Variants in CNTN5 observed in about 807,000 individuals in gnomAD.
The protein encoded by CNTN5 is contactin-5.
Under a neutral mutation model 129.1 loss-of-function variants are expected in CNTN5, and 77 were observed. The ratio of observed to expected loss-of-function variants is 0.60; its 90% CI spans 0.50 to 0.72. The LOEUF (loss-of-function observed/expected upper bound fraction) is 0.72, where lower values mean the gene tolerates loss of function less well. Ranked by LOEUF, CNTN5 falls within the 30% of genes least tolerant of loss-of-function variation. The pLI, the probability that CNTN5 is intolerant of heterozygous loss-of-function variation, is 0.00. For synonymous variants in CNTN5, 509 were observed against 465.6 expected (o/e 1.09, Z -1.20); for missense variants, 1,478 against 1,328.8 (o/e 1.11, Z -1.75).
chr11:99,674,220 A>AT (rs1007607259), intron 3 of CNTN5, among the ~76,000 whole-genome samples: 2 of 151,198 alleles, frequency 1.3e-5, no homozygotes, highest in Non-Finnish European at 2.9e-5. Flanking sequence ...GATATTGAGC[A>AT]TTTTTTTCCT....
chr11:99,614,767 C>A (rs1281625168), intron 3 of CNTN5, among the ~76,000 whole-genome samples: 3 of 151,988 alleles, frequency 2.0e-5, no homozygotes, highest in Non-Finnish European at 4.4e-5. Flanking sequence ...TTTTCCTAGT[C>A]CATTGCCTTA....
rs184802827 is a variant in CNTN5, at chr11:99,072,619, T to C, written c.-210+51349T>C. The stretch of plus-strand genomic sequence containing the variant: ...TTTGAGTTCTTCCTCACCTAGAGGT[T>C]AGTTCTTCCAGGATGAATAATACAA... On this transcript the variant is annotated intron_variant, in intron 1 of 24. Coordinates refer to ENST00000524871, the MANE Select transcript of CNTN5 (RefSeq NM_014361.4). Among the ~76,000 whole-genome samples, 294 of 152,254 alleles carry C rather than the reference T, an allele frequency of 1.9e-3. 2 individuals carry two copies. Among genetic ancestry groups the C allele is most frequent in the African/African-American group, 6.8e-3 (281 of 41,582 alleles).
intron 17 of CNTN5, among the ~76,000 whole-genome samples, chr11:100,259,013 G>A (rs1950139964): frequency 6.6e-6 from 1 of 152,110 alleles, no homozygotes; most frequent in Non-Finnish European, 1.5e-5. Context: ...ATTGGATAAA[G>A]AGTCAAGACC....
In CNTN5 at chr11:99,092,567, A is replaced by T. The variant is rs1003849349; in HGVS notation, c.-210+71297A>T. Among the ~76,000 whole-genome samples, 2 of 152,144 alleles carry T rather than the reference A, an allele frequency of 1.3e-5. 1 individual carries two copies. Among genetic ancestry groups the T allele is most frequent in the South Asian group, 4.1e-4 (2 of 4,828 alleles). On this transcript the variant is annotated intron_variant, in intron 1 of 24. Coordinates refer to ENST00000524871, the MANE Select transcript of CNTN5 (RefSeq NM_014361.4). ...GTAAAAGAAAGCTCAATGAATAAAAATGTACAATATTTGAAAAATTGGAAT... is the reference window on the plus strand; with the variant it reads ...GTAAAAGAAAGCTCAATGAATAAAATTGTACAATATTTGAAAAATTGGAAT...
At chr11:99,361,875 T>C (rs1939134852) in intron 2 of CNTN5, among the ~76,000 whole-genome samples, 1 of 152,146 alleles carries the variant, frequency 6.6e-6, no homozygotes, top group African/African-American at 2.4e-5. Flanking sequence ...ACATTTTGTT[T>C]TTTCATTCAT....
At chr11:99,867,192 C>G (rs910711469) in intron 6 of CNTN5, among the ~76,000 whole-genome samples, 6 of 152,138 alleles carry the variant, frequency 3.9e-5, no homozygotes, top group Non-Finnish European at 7.4e-5. Context: ...CACTGTTGTC[C>G]AGATTTAAGA....
At chr11:99,127,718 C>T (rs60436532) in intron 1 of CNTN5, among the ~76,000 whole-genome samples, 39,302 of 152,018 alleles carry the variant, frequency 0.26, 5,382 homozygotes, top group East Asian at 0.42. Context: ...CTCACCTCTG[C>T]ACTATATTAA....
intron 21 of CNTN5, among the ~76,000 whole-genome samples, chr11:100,332,514 C>G (rs1416678187): frequency 6.6e-6 from 1 of 152,068 alleles, no homozygotes; most frequent in Non-Finnish European, 1.5e-5. Flanking sequence ...ATACCAAAAC[C>G]AGGAAATGAC....
intron 3 of CNTN5, among the ~76,000 whole-genome samples, chr11:99,726,931 A>C (rs998206283): frequency 6.6e-6 from 1 of 152,158 alleles, no homozygotes; most frequent in African/African-American, 2.4e-5. Flanking sequence ...ACTTGAAAAA[A>C]ATTTACATAA....
chr11:100,005,806 A>C (rs1389943669), intron 9 of CNTN5, among the ~76,000 whole-genome samples: 1 of 152,148 alleles, frequency 6.6e-6, no homozygotes, highest in South Asian at 2.1e-4. Context: ...ATTTTATATA[A>C]TAATGGTTTG....
At chr11:99,755,653 A>G (rs928274224) in intron 3 of CNTN5, among the ~76,000 whole-genome samples, 1 of 151,738 alleles carries the variant, frequency 6.6e-6, no homozygotes, top group Admixed American at 6.6e-5. Context: ...ATTTTCTTCC[A>G]GTCTGTGGTT....
At chr11:99,644,014 T>C (rs1951861175) in intron 3 of CNTN5, among the ~76,000 whole-genome samples, 2 of 137,176 alleles carry the variant, frequency 1.5e-5, no homozygotes, top group South Asian at 4.9e-4. Context: ...AATTTTACCC[T>C]TAAAATATTT....
At chr11:100,035,561 G>A (rs1941945969) in intron 9 of CNTN5, among the ~76,000 whole-genome samples, 2 of 143,878 alleles carry the variant, frequency 1.4e-5, no homozygotes, top group East Asian at 2.0e-4. Flanking sequence ...CTTCCACAAT[G>A]GTTGAACTAG....
intron 3 of CNTN5, among the ~76,000 whole-genome samples, chr11:99,631,472 A>C (rs1218478225): frequency 6.6e-6 from 1 of 152,046 alleles, no homozygotes; most frequent in Non-Finnish European, 1.5e-5. Context: ...CATTATTGAA[A>C]ATAATTATAA....
intron 4 of CNTN5, among the ~76,000 whole-genome samples, chr11:99,829,317 A>T (rs2135598038): frequency 6.6e-6 from 1 of 152,348 alleles, no homozygotes; most frequent in South Asian, 2.1e-4. Context: ...TGACGATGAA[A>T]ACATGGTTGT....
intron 1 of CNTN5, among the ~76,000 whole-genome samples, chr11:99,130,913 T>A (rs1047783293): frequency 2.0e-5 from 3 of 151,886 alleles, no homozygotes; most frequent in Non-Finnish European, 2.9e-5. Context: ...TTGAGACCAA[T>A]GAGAACAAAG....
chr11:99,076,652 C>T (rs1187866967), intron 1 of CNTN5, among the ~76,000 whole-genome samples: 2 of 151,918 alleles, frequency 1.3e-5, no homozygotes, highest in Non-Finnish European at 2.9e-5. Context: ...GATATATTCA[C>T]AAATACAAAA....
At chr11:99,855,497 G>A (rs1284659847) in intron 6 of CNTN5, among the ~76,000 whole-genome samples, 1 of 152,058 alleles carries the variant, frequency 6.6e-6, no homozygotes, top group African/African-American at 2.4e-5. Flanking sequence ...AATGAATATT[G>A]ATTTTGGCCA....
At chr11:99,617,567 C>T (rs760894802) in intron 3 of CNTN5, among the ~76,000 whole-genome samples, 7 of 152,092 alleles carry the variant, frequency 4.6e-5, no homozygotes, top group Non-Finnish European at 8.8e-5. Context: ...ACTCTAATCT[C>T]TTATTTTCCT....
Sources: gnomAD v4.1 joint callset for allele counts (sites outside exome capture counted in the v4.1 genomes callset) on GRCh38, gnomAD v4.1.1 for gene constraint, MANE v1.5 for transcripts, NCBI Gene and HGNC (gene_info 2026-07-23, HGNC 2026-07-21) for gene names.